Variants in KLHDC10 observed in about 807,000 individuals in gnomAD.
KLHDC10 encodes kelch domain-containing protein 10.
A neutral mutation model predicts 56.1 loss-of-function variants in KLHDC10; 24 were observed. That is an observed-to-expected ratio of 0.43 (90% confidence interval 0.31 to 0.60). The LOEUF is 0.60. Among genes scored for constraint, KLHDC10 ranks in the 20% least tolerant of loss-of-function variants. The probability of loss-of-function intolerance (pLI) is 0.11; values close to 1 mark genes in which losing one functional copy is unlikely to be tolerated. For missense variants in KLHDC10, 349 were observed against 567.0 expected (o/e 0.62, Z 3.91); for synonymous variants, 188 against 207.1 (o/e 0.91, Z 0.79).
In KLHDC10 at chr7:130,116,616, A is replaced by C; in HGVS notation, c.425A>C (p.His142Pro). The C allele has an allele frequency of 6.2e-7, 1 of 1,614,192 alleles. No homozygotes were observed. Among genetic ancestry groups the C allele is most frequent in the Non-Finnish European group, 8.5e-7 (1 of 1,180,036 alleles). Residue 142 changes from histidine (H) to proline (P), a missense_variant, in exon 3 of 10, where the codon CAC (histidine) becomes CCC (proline). Transcript: ENST00000335420. This position sits in a 1 kb window ranked among gnomAD's most constrained non-coding sequence, Gnocchi z 4.8. ...WRYHFATGVW[H>P]QMGTDGYMPR... The stretch of plus-strand genomic sequence containing the variant: ...TATCATTTTGCTACAGGAGTATGGC[A>C]CCAGATGGGCACAGATGGCTACATG...
chr7:130,129,732 G>A (rs1011591003), intron 9 of KLHDC10, among the ~76,000 whole-genome samples, 156 bp downstream of exon 9: 5 of 152,052 alleles, frequency 3.3e-5, no homozygotes, highest in Non-Finnish European at 5.9e-5. Context: ...CCTCCTCTAA[G>A]AAAAGAGGAG....
intron 2 of KLHDC10, among the ~76,000 whole-genome samples, chr7:130,099,297 G>A (rs1449957021): frequency 4.6e-5 from 7 of 151,764 alleles, no homozygotes; most frequent in Admixed American, 1.3e-4. Context: ...TTGTTCGTTC[G>A]TTCATTCTTT....
chr7:130,088,878 C>T (rs1795730856), intron 1 of KLHDC10, among the ~76,000 whole-genome samples: 1 of 152,010 alleles, frequency 6.6e-6, no homozygotes, highest in Non-Finnish European at 1.5e-5. Flanking sequence ...AGTGATCCAC[C>T]TTCCTTAGCC....
At chr7:130,083,663 T>G (rs1432239051) in intron 1 of KLHDC10, among the ~76,000 whole-genome samples, 2 of 152,134 alleles carry the variant, frequency 1.3e-5, no homozygotes, top group East Asian at 1.9e-4. Flanking sequence ...GGCAGGAGAA[T>G]TGCTTGAACC....
intron 2 of KLHDC10, among the ~76,000 whole-genome samples, chr7:130,111,901 T>C (rs1269724320): frequency 6.6e-6 from 1 of 152,094 alleles, no homozygotes; most frequent in Non-Finnish European, 1.5e-5. Context: ...ACCCATCAGA[T>C]TGGCACAAAT....
chr7:130,073,388 C>T (rs751522941), intron 1 of KLHDC10, among the ~76,000 whole-genome samples: 8 of 150,906 alleles, frequency 5.3e-5, no homozygotes, highest in African/African-American at 1.2e-4. Context: ...CTTTGCCTCC[C>T]GAACTCTAGC....
At chr7:130,076,196 A>C (rs62491305) in intron 1 of KLHDC10, among the ~76,000 whole-genome samples, 6,592 of 152,050 alleles carry the variant, frequency 0.043, 178 homozygotes, top group South Asian at 0.094. Context: ...CTAATGCTTG[A>C]TCTGACAGGA....
At chr7:130,075,461 A>G (rs994843881) in intron 1 of KLHDC10, among the ~76,000 whole-genome samples, 6 of 152,214 alleles carry the variant, frequency 3.9e-5, no homozygotes, top group Non-Finnish European at 7.3e-5. Flanking sequence ...ACCCCAGCTA[A>G]TTGACTGCCT....
intron 2 of KLHDC10, among the ~76,000 whole-genome samples, chr7:130,105,692 G>A (rs1164626938): frequency 6.6e-6 from 1 of 152,162 alleles, no homozygotes; most frequent in African/African-American, 2.4e-5. Context: ...AGGTTGGAGG[G>A]TGTGATCAAG....
Position 130,130,276 on chromosome 7 carries a change from T to G in KLHDC10, c.1120-261T>G, listed in dbSNP as rs963094763. Among the ~76,000 whole-genome samples the G allele has an allele frequency of 2.0e-5, 3 of 149,930 alleles. No homozygotes were observed. The highest frequency in any genetic ancestry group is 4.4e-5 in the Non-Finnish European group (3 of 67,768). Reference sequence around the variant, plus strand: ...CGGAGAGCTTGCAGTGAGCTGAAATTGCGCCACTGCACTCCAGCCTGGGCG... The same window carrying G: ...CGGAGAGCTTGCAGTGAGCTGAAATGGCGCCACTGCACTCCAGCCTGGGCG... On this transcript the variant is annotated intron_variant, in intron 9 of 9. Transcript: ENST00000335420. The surrounding 1 kb of genome is among the most constrained non-coding windows in gnomAD (Gnocchi z 4.2).
In KLHDC10 at chr7:130,134,923, C is replaced by A. The variant is rs1796448136; in HGVS notation, c.*4177C>A. ...TAGGCTTCATAGAGTTCTAGGACTT[C>A]CGTGTGCGTTGCCACCAGATCCTGC... On this transcript the variant is annotated 3_prime_UTR_variant, in exon 10 of 10. Coordinates refer to ENST00000335420, the MANE Select transcript of KLHDC10 (RefSeq NM_014997.4). 1 of 152,036 alleles carries A rather than the reference C, an allele frequency of 6.6e-6. No individual in the cohort carries two copies. Among genetic ancestry groups the A allele is most frequent in the South Asian group, 2.1e-4 (1 of 4,812 alleles). The allele number at this position is 152,036 out of a possible 1,614,324, so 9.4% of individuals were successfully genotyped here. A position where few individuals can be genotyped will look rare whatever the true frequency, so the allele number is the denominator to read the frequency against.
At chr7:130,077,353 CAAAAAAA>C (rs35132418) in intron 1 of KLHDC10, among the ~76,000 whole-genome samples, 1 of 17,898 alleles carries the variant, frequency 5.6e-5, no homozygotes, top group Non-Finnish European at 9.0e-5. Context: ...GACTCTGTCT[CAAAAAAA>C]AAAAAAAAAA....
rs562756420 is a variant in KLHDC10 at position 130,105,559 on chromosome 7, C to T, written c.253+8552C>T. On this transcript the variant is annotated intron_variant, in intron 2 of 9. Transcript: ENST00000335420. ...TATTCTATTCAAATACACTTTAAAA[C>T]TAGGCCAAAATAAACAGTATTGTTT... Among the ~76,000 whole-genome samples, 67 of 152,216 alleles carry T rather than the reference C, an allele frequency of 4.4e-4. 1 individual carries two copies. In the Middle Eastern group the frequency reaches 0.01, roughly 23 times the overall value.
rs1008906615 is a variant in KLHDC10, at chr7:130,134,924, C to T, written c.*4178C>T. On this transcript the variant is annotated 3_prime_UTR_variant, in exon 10 of 10. Transcript: ENST00000335420. ...AGGCTTCATAGAGTTCTAGGACTTC[C>T]GTGTGCGTTGCCACCAGATCCTGCC... The T allele has an allele frequency of 1.3e-5, 2 of 152,006 alleles. No individual in the cohort carries two copies. The highest frequency in any genetic ancestry group is 2.9e-5 in the Non-Finnish European group (2 of 68,008). 9.4% of individuals were successfully genotyped at this position (152,006 alleles called of 1,614,324 possible). A position where few individuals can be genotyped will look rare whatever the true frequency, so the allele number is the denominator to read the frequency against.
chr7:130,085,036 C>G (rs1203457383), intron 1 of KLHDC10, among the ~76,000 whole-genome samples: 1 of 151,954 alleles, frequency 6.6e-6, no homozygotes, highest in African/African-American at 2.4e-5. Flanking sequence ...AGCCATTGGA[C>G]TGGATGAGTT....
At position 130,131,015 on chromosome 7, in the gene KLHDC10, G is replaced by A. The variant is rs1796393159; in HGVS notation, c.*269G>A. 1 of 366,144 alleles carries A rather than the reference G, an allele frequency of 2.7e-6. No homozygotes were observed. The highest frequency in any genetic ancestry group is 4.8e-5 in the South Asian group (1 of 20,766). 22.7% of individuals were successfully genotyped at this position (366,144 alleles called of 1,614,324 possible). A position where few individuals can be genotyped will look rare whatever the true frequency, so the allele number is the denominator to read the frequency against. Reference sequence around the variant, plus strand: ...CTCTTCCTTCTCGATGGAGTTAAGGGAAAGCCTGAAAGTACCTTAATAATG... The same window carrying A: ...CTCTTCCTTCTCGATGGAGTTAAGGAAAAGCCTGAAAGTACCTTAATAATG... On this transcript the variant is annotated 3_prime_UTR_variant, in exon 10 of 10. Transcript: ENST00000335420.
At chr7:130,085,020 T>C (rs866931338) in intron 1 of KLHDC10, among the ~76,000 whole-genome samples, 3 of 152,018 alleles carry the variant, frequency 2.0e-5, no homozygotes, top group African/African-American at 7.2e-5. Flanking sequence ...TTTGGAATTA[T>C]TAGCAAGCCA....
At chr7:130,091,960 G>A (rs1268866993) in intron 1 of KLHDC10, among the ~76,000 whole-genome samples, 1 of 152,214 alleles carries the variant, frequency 6.6e-6, no homozygotes, top group Non-Finnish European at 1.5e-5. Context: ...AAGAGTTGGA[G>A]TAGGTATAGA....
At chr7:130,071,335 T>C (rs1478536820) in intron 1 of KLHDC10, among the ~76,000 whole-genome samples, 1 of 151,862 alleles carries the variant, frequency 6.6e-6, no homozygotes, top group African/African-American at 2.4e-5. Flanking sequence ...ACCTAGAGGA[T>C]TAGGGAAAAC....
Sources: gnomAD v4.1 joint callset for allele counts (sites outside exome capture counted in the v4.1 genomes callset) on GRCh38, gnomAD v4.1.1 for gene constraint, Gnocchi (gnomAD v3.1) non-coding constraint, MANE v1.5 for transcripts, NCBI Gene and HGNC (gene_info 2026-07-23, HGNC 2026-07-21) for gene names.